RCSD1: variants seen among roughly 807,000 people sequenced by gnomAD.
RCSD1 encodes the protein RCSD domain containing 1.
In RCSD1, 26 loss-of-function variants were observed where a neutral mutation model predicts 42.5. That is an observed-to-expected ratio of 0.61 (90% confidence interval 0.45 to 0.85). The LOEUF (loss-of-function observed/expected upper bound fraction) is 0.85. Ranked by LOEUF, RCSD1 falls within the 40% of genes least tolerant of loss-of-function variation. The pLI is 0.00. For synonymous variants in RCSD1, 220 were observed against 212.2 expected (o/e 1.04, Z -0.32); for missense variants, 571 against 528.3 (o/e 1.08, Z -0.79).
chr1:167,698,863 G>T (rs533737299), intron 6 of RCSD1, among the ~76,000 whole-genome samples: 4 of 151,654 alleles, frequency 2.6e-5, no homozygotes, highest in Non-Finnish European at 5.9e-5. Context: ...GCAGTGGCGG[G>T]ATCTCGGCTC....
In RCSD1 at chr1:167,630,427, G is replaced by A; in HGVS notation, c.4G>A (p.Glu2Lys). 3.2e-6 allele frequency: 5 copies of A among 1,542,018 alleles called. No homozygotes were observed. The highest frequency in any genetic ancestry group is 4.4e-6 in the Non-Finnish European group (5 of 1,142,516). Residue 2 changes from glutamate (E) to lysine (K), a missense_variant and splice_region_variant, in exon 1 of 7, where the codon GAG (glutamate) becomes AAG (lysine). Physicochemically the swap from Glu to Lys is moderately conservative, Grantham distance 56 (BLOSUM62 1). Transcript: ENST00000367854. M[E>K]ERPAETNANV... ...GCAGAGTCGGCACCTGAAGGACATG[G>A]AGGTAAAGGACCCCGGAGGGAGACG... is the stretch of plus-strand genomic sequence containing the variant.
At chr1:167,658,218 A>G (rs188649446) in intron 1 of RCSD1, among the ~76,000 whole-genome samples, 29 of 152,326 alleles carry the variant, frequency 1.9e-4, no homozygotes, top group Non-Finnish European at 3.1e-4. Flanking sequence ...AACTTCACAT[A>G]TACCTTTCTG....
At chr1:167,679,269 G>T (rs577267202) in intron 1 of RCSD1, among the ~76,000 whole-genome samples, 44 of 152,330 alleles carry the variant, frequency 2.9e-4, no homozygotes, top group African/African-American at 1.0e-3. Flanking sequence ...CTTTTAGAGA[G>T]GTAAGAATTA....
chr1:167,682,524 T>G (rs140508303), intron 1 of RCSD1, among the ~76,000 whole-genome samples: 2 of 152,142 alleles, frequency 1.3e-5, no homozygotes, highest in East Asian at 3.8e-4. Context: ...CTGCTGGAAG[T>G]GGCTGGGAGG....
Position 167,630,434 on chromosome 1 carries a change from A to T in RCSD1, c.6+5A>T. 1 of 1,539,164 alleles carries T rather than the reference A, an allele frequency of 6.5e-7. No homozygotes were observed. The highest frequency in any genetic ancestry group is 8.8e-7 in the Non-Finnish European group (1 of 1,140,972). Reference sequence around the variant, plus strand: ...CGGCACCTGAAGGACATGGAGGTAAAGGACCCCGGAGGGAGACGCGGGGCT... The same window carrying T: ...CGGCACCTGAAGGACATGGAGGTAATGGACCCCGGAGGGAGACGCGGGGCT... On this transcript the variant is annotated splice_donor_5th_base_variant and intron_variant, in intron 1 of 6. Transcript: ENST00000367854.
intron 4 of RCSD1, 137 bp from the exon 5 acceptor site, chr1:167,693,962 A>C: frequency 1.4e-6 from 1 of 726,638 alleles, no homozygotes; most frequent in Non-Finnish European, 2.3e-6. Flanking sequence ...ACAGTGGATA[A>C]TGGGTTGGGA....
intron 1 of RCSD1, among the ~76,000 whole-genome samples, chr1:167,644,461 A>G (rs1658080813): frequency 6.6e-6 from 1 of 151,878 alleles, no homozygotes; most frequent in African/African-American, 2.4e-5. Context: ...CCTGGGCAAC[A>G]AGAGTGAAAC....
chr1:167,692,903 G>T (rs1159773795), intron 4 of RCSD1, among the ~76,000 whole-genome samples: 1 of 152,144 alleles, frequency 6.6e-6, no homozygotes, highest in Non-Finnish European at 1.5e-5. Flanking sequence ...GGTGGCCAAG[G>T]GGAGCTGGGA....
chr1:167,694,071 T>C (rs965594059), intron 4 of RCSD1, 28 bp from the exon 5 acceptor site: 4 of 1,610,600 alleles, frequency 2.5e-6, no homozygotes, highest in Non-Finnish European at 3.4e-6. Context: ...CCTAGTCCTA[T>C]TTGAAATTGT....
rs546641623 is a variant in RCSD1 at position 167,687,284 on chromosome 1, A to G, written c.198+1774A>G. 1.1e-4 allele frequency among the ~76,000 whole-genome samples: 17 copies of G among 152,248 alleles called. No individual in the cohort carries two copies. The East Asian group carries it at 1.9e-3, about 17-fold the overall frequency. On this transcript the variant is annotated intron_variant, in intron 3 of 6. Coordinates refer to ENST00000367854, the MANE Select transcript of RCSD1 (RefSeq NM_052862.4). ...TCACGCCTGTAATCCCAGCACTTTG[A>G]GAGGCCGAGGTGGGCGGATCACGAG...
chr1:167,683,945 C>T lies in RCSD1; in HGVS notation c.52C>T (p.Pro18Ser). ...TGCCAATGTGGACAACTCGGCGTCCCCCTCGGTGGCCCAGCTGGCCGGGCG... is the reference window on the plus strand; with the variant it reads ...TGCCAATGTGGACAACTCGGCGTCCTCCTCGGTGGCCCAGCTGGCCGGGCG... ...TNANVDNSAS[P>S]SVAQLAGRFR... Residue 18 changes from proline (P) to serine (S), a missense_variant, in exon 2 of 7, where the codon CCC (proline) becomes TCC (serine). Transcript: ENST00000367854. 1 of 1,614,206 alleles carries T rather than the reference C, an allele frequency of 6.2e-7. No homozygotes were observed. The highest frequency in any genetic ancestry group is 8.5e-7 in the Non-Finnish European group (1 of 1,180,040).
At chr1:167,672,022 A>G (rs149876372) in intron 1 of RCSD1, among the ~76,000 whole-genome samples, 1 of 152,082 alleles carries the variant, frequency 6.6e-6, no homozygotes, top group Non-Finnish European at 1.5e-5. Context: ...CCTGCTGTGC[A>G]TTTCACCATG....
At chr1:167,682,668 AGTGTGTGTGTGTGTGT>A (rs10607777) in intron 1 of RCSD1, among the ~76,000 whole-genome samples, 5 of 142,704 alleles carry the variant, frequency 3.5e-5, no homozygotes, top group South Asian at 2.3e-4. Context: ...GCCATGGAAG[AGTGTGTGTGTGTGTGT>A]GTGTGTGTGT....
At chr1:167,667,853 G>A (rs1658696854) in intron 1 of RCSD1, among the ~76,000 whole-genome samples, 1 of 152,140 alleles carries the variant, frequency 6.6e-6, no homozygotes, top group Non-Finnish European at 1.5e-5. Context: ...GTTTACGGAG[G>A]CATCATTCAT....
At chr1:167,632,636 A>C (rs1657733753) in intron 1 of RCSD1, among the ~76,000 whole-genome samples, 1 of 141,334 alleles carries the variant, frequency 7.1e-6, no homozygotes, top group Admixed American at 7.2e-5. Flanking sequence ...GGAGGGACGC[A>C]GGGAGGGAAT....
At chr1:167,667,990 G>A (rs970175808) in intron 1 of RCSD1, among the ~76,000 whole-genome samples, 1 of 152,030 alleles carries the variant, frequency 6.6e-6, no homozygotes, top group Non-Finnish European at 1.5e-5. Context: ...GAAAAATGTG[G>A]GTATTTTAAA....
intron 1 of RCSD1, among the ~76,000 whole-genome samples, chr1:167,675,947 G>A (rs768792584): frequency 1.3e-5 from 2 of 152,112 alleles, no homozygotes; most frequent in Non-Finnish European, 2.9e-5. Flanking sequence ...CATCTAGGAT[G>A]CAAGCCTAGG....
chr1:167,697,597 G>A lies in RCSD1; in HGVS notation c.973G>A (p.Glu325Lys), dbSNP rs1423498556. 1 of 1,608,016 alleles carries A rather than the reference G, an allele frequency of 6.2e-7. No individual in the cohort carries two copies. Among genetic ancestry groups the A allele is most frequent in the East Asian group, 2.2e-5 (1 of 44,704 alleles). Residue 325 changes from glutamate (E) to lysine (K), a missense_variant, in exon 6 of 7, where the codon GAA becomes AAA. Transcript: ENST00000367854. ...GGTGAAGGGGGAGAGGGTGCAAAAT[G>A]AAGAGGTGGGACCTGAACATGACAG... is the stretch of plus-strand genomic sequence containing the variant. ...TEVKGERVQN[E>K]EVGPEHDSQE...
At position 167,706,135 on chromosome 1, in the gene RCSD1, T is replaced by C. The variant is rs887942536; in HGVS notation, c.*1439T>C. On this transcript the variant is annotated 3_prime_UTR_variant, in exon 7 of 7. Coordinates refer to ENST00000367854, the MANE Select transcript of RCSD1 (RefSeq NM_052862.4). ...GTGTTTAGTGTTAATATTTGGGATA[T>C]ATTTTTTTTCAAAACTGTTTTTAAG... 6.6e-6 allele frequency: 1 copy of C among 152,234 alleles called. No homozygotes were observed. The highest frequency in any genetic ancestry group is 2.1e-4 in the South Asian group (1 of 4,826). The allele number at this position is 152,234 out of a possible 1,614,324, so 9.4% of individuals were successfully genotyped here.
Sources: gnomAD v4.1 joint callset for allele counts (sites outside exome capture counted in the v4.1 genomes callset) on GRCh38, gnomAD v4.1.1 for gene constraint, MANE v1.5 for transcripts, NCBI Gene and HGNC (gene_info 2026-07-23, HGNC 2026-07-21) for gene names.